MAMLD1: variants seen among roughly 807,000 people sequenced by gnomAD.
The protein encoded by MAMLD1 is mastermind-like domain-containing protein 1.
MAMLD1 carries 14 observed loss-of-function variants against 45.0 expected under a neutral mutation model. The ratio of observed to expected loss-of-function variants is 0.31; its 90% CI spans 0.21 to 0.49. The LOEUF (loss-of-function observed/expected upper bound fraction) is 0.49, where lower values mean the gene tolerates loss of function less well. Among genes scored for constraint, MAMLD1 ranks in the 20% least tolerant of loss-of-function variants. MAMLD1 has a pLI of 0.99. For synonymous variants in MAMLD1, 254 were observed against 247.8 expected (o/e 1.02, Z -0.24); for missense variants, 543 against 603.6 (o/e 0.90, Z 1.05).
In MAMLD1 at chrX:150,380,049, G is replaced by A. The variant is rs782777840; in HGVS notation, c.-64+16519G>A. On this transcript the variant is annotated intron_variant, in intron 1 of 7. Coordinates refer to ENST00000370401, the MANE Select transcript of MAMLD1 (RefSeq NM_005491.5). ...TCTTAAAGAGTACATTTCTATAAGT[G>A]GGATTAATGTGTCAAAATGTAAAAA... 4.5e-5 allele frequency among the ~76,000 whole-genome samples: 5 copies of A among 112,245 alleles called. No individual in the cohort carries two copies. In the South Asian group the frequency reaches 1.1e-3, roughly 25 times the overall value.
At chrX:150,370,853 G>A (rs1218767451) in intron 1 of MAMLD1, among the ~76,000 whole-genome samples, 2 of 112,019 alleles carry the variant, frequency 1.8e-5, no homozygotes, top group Non-Finnish European at 3.8e-5. Context: ...ATAGCAAGGG[G>A]CCTCCCTGGC....
At chrX:150,477,003 C>T (rs2036599036) in intron 5 of MAMLD1, among the ~76,000 whole-genome samples, 1 of 113,149 alleles carries the variant, frequency 8.8e-6, no homozygotes, top group Non-Finnish European at 1.9e-5. Flanking sequence ...AAGTGCAGTA[C>T]TTCCAGCACC....
intron 1 of MAMLD1, among the ~76,000 whole-genome samples, chrX:150,441,990 A>G (rs2035331391): frequency 1.9e-5 from 2 of 107,991 alleles, no homozygotes; most frequent in Non-Finnish European, 3.8e-5. Flanking sequence ...TAAAAGTACT[A>G]TGTCTTGTTG....
chrX:150,467,147 A>G (rs1557406014), intron 3 of MAMLD1, among the ~76,000 whole-genome samples: 1 of 112,063 alleles, frequency 8.9e-6, no homozygotes, highest in Non-Finnish European at 1.9e-5. Flanking sequence ...TCCACATGCA[A>G]TCATCCCTGA....
intron 6 of MAMLD1, chrX:150,509,655 C>A: frequency 3.1e-6 from 1 of 326,950 alleles, no homozygotes; most frequent in Non-Finnish European, 5.4e-6. Context: ...GCTGACCCAT[C>A]CTGAGCAGAT....
At chrX:150,432,427 C>A (rs899486732) in intron 1 of MAMLD1, among the ~76,000 whole-genome samples, 1 of 111,699 alleles carries the variant, frequency 9.0e-6, no homozygotes, top group Admixed American at 9.5e-5. Flanking sequence ...TTAAATAGGT[C>A]TTATTTGTCA....
intron 1 of MAMLD1, among the ~76,000 whole-genome samples, chrX:150,389,325 G>A (rs2033073102): frequency 8.9e-6 from 1 of 111,903 alleles, no homozygotes; most frequent in Admixed American, 9.4e-5. Context: ...AGGATTACAG[G>A]CGTGAACCAC....
chrX:150,401,446 C>A (rs1189572821), intron 1 of MAMLD1, among the ~76,000 whole-genome samples: 1 of 103,525 alleles, frequency 9.7e-6, no homozygotes, highest in African/African-American at 3.5e-5. Flanking sequence ...GAAGAACATT[C>A]CATGCTCATG....
At chrX:150,401,508 C>A (rs1331889796) in intron 1 of MAMLD1, among the ~76,000 whole-genome samples, 2 of 105,364 alleles carry the variant, frequency 1.9e-5, no homozygotes, top group African/African-American at 6.9e-5. Flanking sequence ...AGGTAATTTA[C>A]ACATTCAATG....
In MAMLD1 at chrX:150,475,712, C is replaced by T. The variant is rs1159943839; in HGVS notation, c.2040+1910C>T. Among the ~76,000 whole-genome samples the T allele has an allele frequency of 2.7e-5, 3 of 111,971 alleles. No homozygotes were observed. In the East Asian group the frequency reaches 8.4e-4, roughly 31 times the overall value. The stretch of plus-strand genomic sequence containing the variant: ...AGGTCCCATGAGCAATGTTACTCAA[C>T]TCCTGAGCCTCAGCTGAAAATGGGG... On this transcript the variant is annotated intron_variant, in intron 5 of 7. Transcript: ENST00000370401.
intron 2 of MAMLD1, among the ~76,000 whole-genome samples, chrX:150,448,928 T>G (rs1557404929): frequency 9.0e-6 from 1 of 111,730 alleles, no homozygotes; most frequent in Admixed American, 9.5e-5. Flanking sequence ...AGGTACCTAT[T>G]CCCTTCATAA....
chrX:150,509,544 G>A (rs1603046155), intron 6 of MAMLD1: 3 of 159,802 alleles, frequency 1.9e-5, no homozygotes, highest in Non-Finnish European at 3.6e-5. Context: ...TCTGGCCAAG[G>A]CAGAGTTAGC....
rs2033961953 is a variant in MAMLD1 at position 150,404,985 on chromosome X, G to A, written c.-63-40469G>A. ...GACTACAAATACAGCTGCTATCAAC[G>A]TAGCTATACAGGTGTTTGTATGGAC... On this transcript the variant is annotated intron_variant, in intron 1 of 7. Coordinates refer to ENST00000370401, the MANE Select transcript of MAMLD1 (RefSeq NM_005491.5). Among the ~76,000 whole-genome samples the A allele has an allele frequency of 6.2e-5, 7 of 112,435 alleles. No individual in the cohort carries two copies. The South Asian group carries it at 1.8e-3, about 30-fold the overall frequency.
intron 2 of MAMLD1, among the ~76,000 whole-genome samples, chrX:150,447,899 G>A (rs782425551): frequency 3.6e-5 from 4 of 112,000 alleles, no homozygotes; most frequent in Admixed American, 1.9e-4. Context: ...TGAAAACATC[G>A]CTAACAGAGA....
intron 5 of MAMLD1, among the ~76,000 whole-genome samples, chrX:150,479,388 T>C (rs782278710): frequency 8.9e-6 from 1 of 112,031 alleles, no homozygotes; most frequent in Non-Finnish European, 1.9e-5. Context: ...ATTTTTTTCA[T>C]TGCTTAGTAA....
chrX:150,480,863 T>A (rs1222785907), intron 5 of MAMLD1, among the ~76,000 whole-genome samples: 1 of 112,411 alleles, frequency 8.9e-6, no homozygotes, highest in Non-Finnish European at 1.9e-5. Flanking sequence ...CTAGGAATTA[T>A]CCCACCTCTT....
chrX:150,388,820 T>C (rs969354512), intron 1 of MAMLD1, among the ~76,000 whole-genome samples: 20 of 112,063 alleles, frequency 1.8e-4, no homozygotes, highest in African/African-American at 5.5e-4. Context: ...TCCATTGATT[T>C]TTATCTTATC....
chrX:150,410,773 C>T (rs2034105024), intron 1 of MAMLD1, among the ~76,000 whole-genome samples: 1 of 111,745 alleles, frequency 8.9e-6, no homozygotes. Flanking sequence ...TCCTGCAAGG[C>T]CACACAGCTC....
At chrX:150,453,766 G>A (rs1442995851) in intron 2 of MAMLD1, among the ~76,000 whole-genome samples, 2 of 111,191 alleles carry the variant, frequency 1.8e-5, no homozygotes, top group South Asian at 3.8e-4. Context: ...CTGCCTGCCC[G>A]TCACTGGAAC....
Sources: gnomAD v4.1 joint callset for allele counts (sites outside exome capture counted in the v4.1 genomes callset) on GRCh38, gnomAD v4.1.1 for gene constraint, MANE v1.5 for transcripts, NCBI Gene and HGNC (gene_info 2026-07-23, HGNC 2026-07-21) for gene names.